Variants in FHIT observed in about 807,000 individuals in gnomAD.
FHIT encodes the protein fragile histidine triad diadenosine triphosphatase.
A neutral mutation model predicts 17.9 loss-of-function variants in FHIT; 19 were observed. The ratio of observed to expected loss-of-function variants is 1.06; its 90% CI spans 0.74 to 1.56. The LOEUF (loss-of-function observed/expected upper bound fraction) is 1.56, where lower values mean the gene tolerates loss of function less well. FHIT is among the 40% of genes most tolerant of loss of function. The pLI is 0.00. For missense variants in FHIT, 248 were observed against 189.2 expected, an observed-to-expected ratio of 1.31 and a Z score of -1.82; for synonymous variants, 81 against 69.7, an observed-to-expected ratio of 1.16 and a Z score of -0.81.
At chr3:60,813,901 A>T (rs1701648168) in intron 4 of FHIT, among the ~76,000 whole-genome samples, 1 of 152,152 alleles carries the variant, frequency 6.6e-6, no homozygotes. Context: ...TGATATTATT[A>T]TAGCCACTCT....
At chr3:61,091,489 G>A (rs996707245) in intron 2 of FHIT, among the ~76,000 whole-genome samples, 2 of 151,940 alleles carry the variant, frequency 1.3e-5, no homozygotes, top group East Asian at 1.9e-4. Context: ...CCTCCTACTC[G>A]TCCTCATCAT....
intron 3 of FHIT, among the ~76,000 whole-genome samples, chr3:60,996,003 C>T (rs992118111): frequency 6.6e-6 from 1 of 152,172 alleles, no homozygotes; most frequent in Admixed American, 6.5e-5. Context: ...ATTTAACCTT[C>T]CCAGAAAATG....
intron 8 of FHIT, among the ~76,000 whole-genome samples, chr3:59,787,630 G>T (rs1051417009): frequency 6.6e-6 from 1 of 151,996 alleles, no homozygotes; most frequent in East Asian, 1.9e-4. Flanking sequence ...TAGCTCAATT[G>T]TTCTGAGATG....
At chr3:60,336,483 A>G (rs935645070) in intron 5 of FHIT, among the ~76,000 whole-genome samples, 3 of 152,190 alleles carry the variant, frequency 2.0e-5, no homozygotes, top group African/African-American at 7.2e-5. Context: ...GAACTTGAAA[A>G]TAGTTTAAAG....
At chr3:60,103,518 T>C (rs751660951) in intron 5 of FHIT, among the ~76,000 whole-genome samples, 6 of 152,138 alleles carry the variant, frequency 3.9e-5, no homozygotes, top group Admixed American at 6.5e-5. Flanking sequence ...ATAATTTCTA[T>C]GGGAGTGACC....
intron 2 of FHIT, among the ~76,000 whole-genome samples, chr3:61,188,645 A>G (rs1397775975): frequency 6.6e-6 from 1 of 152,142 alleles, no homozygotes; most frequent in Non-Finnish European, 1.5e-5. Flanking sequence ...AGAATTTTAG[A>G]CCAATATCCT....
At chr3:60,141,057 G>A (rs1485066279) in intron 5 of FHIT, among the ~76,000 whole-genome samples, 1 of 152,078 alleles carries the variant, frequency 6.6e-6, no homozygotes, top group Non-Finnish European at 1.5e-5. Flanking sequence ...TGAAGAAATG[G>A]CAATGACTAA....
At chr3:61,186,260 T>C (rs1390300402) in intron 2 of FHIT, among the ~76,000 whole-genome samples, 2 of 152,198 alleles carry the variant, frequency 1.3e-5, no homozygotes, top group African/African-American at 4.8e-5. Context: ...TTAATCCAGC[T>C]GCCTGCCCTG....
intron 4 of FHIT, among the ~76,000 whole-genome samples, chr3:60,647,925 T>C (rs1383957935): frequency 1.3e-5 from 2 of 152,156 alleles, no homozygotes; most frequent in Non-Finnish European, 2.9e-5. Context: ...ATCAATGCAA[T>C]AATAGTGACC....
intron 8 of FHIT, among the ~76,000 whole-genome samples, chr3:59,811,089 T>A (rs563218879): frequency 6.6e-6 from 1 of 152,328 alleles, no homozygotes; most frequent in East Asian, 1.9e-4. Flanking sequence ...AGTCTCAACC[T>A]CTCAGTGTGA....
chr3:60,097,089 G>A (rs1178766443), intron 5 of FHIT, among the ~76,000 whole-genome samples: 1 of 149,860 alleles, frequency 6.7e-6, no homozygotes, highest in Admixed American at 6.6e-5. Context: ...TCCATGTAGA[G>A]TACCAGGTGG....
chr3:61,241,226 C>A (rs1360769951), intron 1 of FHIT, among the ~76,000 whole-genome samples: 2 of 152,138 alleles, frequency 1.3e-5, no homozygotes, highest in African/African-American at 4.8e-5. Context: ...AGAGATTGAA[C>A]TGGAATCGCT....
chr3:61,250,961 G>C (rs987123487), intron 1 of FHIT, among the ~76,000 whole-genome samples: 2 of 152,210 alleles, frequency 1.3e-5, no homozygotes, highest in African/African-American at 2.4e-5. Context: ...CTATGAAACT[G>C]ACGAACCATC....
chr3:60,878,812 C>T (rs1704812418), intron 3 of FHIT, among the ~76,000 whole-genome samples: 1 of 152,208 alleles, frequency 6.6e-6, no homozygotes, highest in Admixed American at 6.5e-5. Context: ...CTACAAAGGA[C>T]ATGAACTCAT....
intron 8 of FHIT, among the ~76,000 whole-genome samples, chr3:59,825,880 T>C (rs1289227288): frequency 6.6e-6 from 1 of 152,204 alleles, no homozygotes; most frequent in Non-Finnish European, 1.5e-5. Flanking sequence ...TCTTATTGAT[T>C]CTTTAATGGC....
At chr3:60,471,719 G>A (rs1264412568) in intron 5 of FHIT, among the ~76,000 whole-genome samples, 2 of 152,050 alleles carry the variant, frequency 1.3e-5, no homozygotes, top group South Asian at 2.1e-4. Flanking sequence ...GTACTTTTTT[G>A]TATGTACAGT....
At chr3:60,154,793 G>T (rs1339032978) in intron 5 of FHIT, among the ~76,000 whole-genome samples, 1 of 152,076 alleles carries the variant, frequency 6.6e-6, no homozygotes, top group Non-Finnish European at 1.5e-5. Context: ...TTTGTTTCTT[G>T]CAAACAGTCA....
intron 8 of FHIT, among the ~76,000 whole-genome samples, chr3:59,754,588 A>T (rs1214111227): frequency 2.6e-5 from 4 of 152,186 alleles, no homozygotes; most frequent in Admixed American, 2.0e-4. Flanking sequence ...TGCCATTGGA[A>T]GACACAGAAA....
At chr3:59,768,466 G>T (rs1701911406) in intron 8 of FHIT, among the ~76,000 whole-genome samples, 1 of 152,120 alleles carries the variant, frequency 6.6e-6, no homozygotes, top group South Asian at 2.1e-4. Flanking sequence ...TTCTTCCCCT[G>T]ATCCACCAGC....
Sources: allele counts gnomAD v4.1 joint callset (sites outside exome capture counted in the v4.1 genomes callset), GRCh38; gene constraint gnomAD v4.1.1; transcripts MANE v1.5; gene names NCBI Gene and HGNC (gene_info 2026-07-23, HGNC 2026-07-21).